The following PDSS2 variants were observed in gnomAD, a reference collection of about 807,000 sequenced individuals.
PDSS2 encodes decaprenyl diphosphate synthase subunit 2.
A neutral mutation model predicts 44.5 loss-of-function variants in PDSS2; 31 were observed. That is an observed-to-expected ratio of 0.70 (90% CI 0.52 to 0.94). The LOEUF is 0.94. PDSS2 is among the 40% of genes least tolerant of loss of function. The probability of loss-of-function intolerance (pLI) is 0.00; values close to 1 mark genes in which losing one functional copy is unlikely to be tolerated. For synonymous variants in PDSS2, 157 were observed against 180.3 expected (o/e 0.87, Z 1.03); for missense variants, 452 against 482.2 (o/e 0.94, Z 0.59).
At chr6:107,303,337 C>T (rs897689646) in intron 2 of PDSS2, among the ~76,000 whole-genome samples, 20 of 152,190 alleles carry the variant, frequency 1.3e-4, no homozygotes, top group African/African-American at 4.3e-4. Flanking sequence ...AGGGGACAAA[C>T]GTGTAATCAT....
At chr6:107,370,983 G>C (rs1779111952) in intron 1 of PDSS2, among the ~76,000 whole-genome samples, 1 of 152,204 alleles carries the variant, frequency 6.6e-6, no homozygotes. Context: ...AGAAGTTTAA[G>C]ACCAGCCTGA....
At chr6:107,448,578 A>T (rs1781764932) in intron 1 of PDSS2, among the ~76,000 whole-genome samples, 1 of 152,172 alleles carries the variant, frequency 6.6e-6, no homozygotes, top group South Asian at 2.1e-4. Flanking sequence ...AAGCCATTCA[A>T]CAAGTCTCTA....
intron 1 of PDSS2, among the ~76,000 whole-genome samples, chr6:107,449,740 A>G (rs962770821): frequency 3.3e-5 from 5 of 152,052 alleles, no homozygotes; most frequent in African/African-American, 1.2e-4. Flanking sequence ...TGTCTAGTTA[A>G]TTTATTTTTT....
intron 1 of PDSS2, among the ~76,000 whole-genome samples, chr6:107,402,862 T>G (rs319051): frequency 0.73 from 110,910 of 151,798 alleles, 40,929 homozygotes; most frequent in Middle Eastern, 0.8. Context: ...CCTCCCACAT[T>G]TGGGGATTAT....
At chr6:107,199,505 G>T (rs1321222714) in intron 6 of PDSS2, among the ~76,000 whole-genome samples, 1 of 152,202 alleles carries the variant, frequency 6.6e-6, no homozygotes, top group East Asian at 1.9e-4. Flanking sequence ...TCACTATGTT[G>T]CTCAGGCTGG....
At chr6:107,279,962 T>C (rs1172062365) in intron 2 of PDSS2, among the ~76,000 whole-genome samples, 3 of 152,226 alleles carry the variant, frequency 2.0e-5, no homozygotes, top group African/African-American at 7.2e-5. Flanking sequence ...AAGCAATCTA[T>C]TAAACTTTCA....
At chr6:107,227,256 T>A (rs1773859712) in intron 4 of PDSS2, among the ~76,000 whole-genome samples, 1 of 144,174 alleles carries the variant, frequency 6.9e-6, no homozygotes, top group Non-Finnish European at 1.5e-5. Flanking sequence ...GTGCTGGGAT[T>A]ATAGGTGTAA....
chr6:107,433,174 C>T (rs1336945183), intron 1 of PDSS2, among the ~76,000 whole-genome samples: 2 of 151,552 alleles, frequency 1.3e-5, no homozygotes, highest in East Asian at 1.9e-4. Flanking sequence ...TACTCATATT[C>T]GTAAGTATTT....
chr6:107,420,612 G>A (rs550501154), intron 1 of PDSS2, among the ~76,000 whole-genome samples: 2 of 152,158 alleles, frequency 1.3e-5, no homozygotes, highest in East Asian at 3.9e-4. Context: ...TGGAACAACT[G>A]GACATCCATG....
At position 107,180,433 on chromosome 6, in the gene PDSS2, G is replaced by C. The variant is rs561929286; in HGVS notation, c.1041+13389C>G. On this transcript the variant is annotated intron_variant, in intron 7 of 7. Coordinates refer to ENST00000369037, the MANE Select transcript of PDSS2 (RefSeq NM_020381.4). The stretch of plus-strand genomic sequence containing the variant: ...TCATTTGATTAAAAATATACTTGGG[G>C]GGATATAAGAGGAACAAAGGTGGAA... Among the ~76,000 whole-genome samples the C allele has an allele frequency of 2.6e-5, 4 of 152,264 alleles. No homozygotes were observed. The East Asian group carries it at 7.7e-4, about 29-fold the overall frequency.
intron 1 of PDSS2, among the ~76,000 whole-genome samples, chr6:107,388,540 C>T (rs527459304): frequency 6.6e-6 from 1 of 151,976 alleles, no homozygotes; most frequent in East Asian, 1.9e-4. Context: ...GCTCCGCCTC[C>T]CGGGTTCACG....
At chr6:107,415,893 C>T (rs1780643662) in intron 1 of PDSS2, among the ~76,000 whole-genome samples, 2 of 152,146 alleles carry the variant, frequency 1.3e-5, no homozygotes, top group Non-Finnish European at 2.9e-5. Context: ...TATCGATTCT[C>T]TGCAGGAGGT....
chr6:107,215,864 C>A (rs961960174), intron 4 of PDSS2, among the ~76,000 whole-genome samples: 1 of 152,042 alleles, frequency 6.6e-6, no homozygotes, highest in Non-Finnish European at 1.5e-5. Flanking sequence ...AGGTCGGGAA[C>A]GGTGGCTCAT....
At chr6:107,340,731 G>T (rs796893740) in intron 1 of PDSS2, among the ~76,000 whole-genome samples, 2 of 152,206 alleles carry the variant, frequency 1.3e-5, no homozygotes, top group South Asian at 4.1e-4. Context: ...AAATTTCCCT[G>T]AGTAGGGAAC....
chr6:107,200,801 G>C (rs1772742749), intron 6 of PDSS2, among the ~76,000 whole-genome samples: 1 of 151,868 alleles, frequency 6.6e-6, no homozygotes, highest in South Asian at 2.1e-4. Context: ...CTAGTAGCTG[G>C]GATTATAGGT....
At chr6:107,269,333 C>CGTGT (rs1419152571) in intron 3 of PDSS2, among the ~76,000 whole-genome samples, 17 of 80,286 alleles carry the variant, frequency 2.1e-4, no homozygotes, top group South Asian at 1.3e-3. Flanking sequence ...AATCTCATTT[C>CGTGT]GTGTGTCTGT....
At chr6:107,173,310 A>G (rs1771654061) in intron 7 of PDSS2, among the ~76,000 whole-genome samples, 1 of 151,262 alleles carries the variant, frequency 6.6e-6, no homozygotes, top group Non-Finnish European at 1.5e-5. Context: ...GCGGTGGCTC[A>G]CAGCTGTAAT....
intron 2 of PDSS2, among the ~76,000 whole-genome samples, chr6:107,310,536 T>A (rs1179633200): frequency 6.6e-6 from 1 of 152,154 alleles, no homozygotes; most frequent in Non-Finnish European, 1.5e-5. Flanking sequence ...TTCCCATAAC[T>A]GGTTTGTCCT....
intron 1 of PDSS2, among the ~76,000 whole-genome samples, chr6:107,413,060 G>A (rs1780553104): frequency 6.6e-6 from 1 of 152,056 alleles, no homozygotes; most frequent in South Asian, 2.1e-4. Context: ...TTTAGCTTAT[G>A]TTTTAATATC....
Sources: allele counts gnomAD v4.1 joint callset (sites outside exome capture counted in the v4.1 genomes callset), GRCh38; gene constraint gnomAD v4.1.1; transcripts MANE v1.5; gene names NCBI Gene and HGNC (gene_info 2026-07-23, HGNC 2026-07-21).